KRAS: variants seen among roughly 807,000 people sequenced by gnomAD.
The protein encoded by KRAS is KRas proto-oncogene, GTPase, also known as GTPase KRas.
In KRAS, 1 loss-of-function variant was observed where a neutral mutation model predicts 21.0. That is an observed-to-expected ratio of 0.05 (90% CI 0.02 to 0.23). The LOEUF (loss-of-function observed/expected upper bound fraction) is 0.23. KRAS is among the 10% of genes least tolerant of loss of function. The pLI is 1.00. For synonymous variants in KRAS, 67 were observed against 72.5 expected (o/e 0.92, Z 0.39); for missense variants, 107 against 221.8 (o/e 0.48, Z 3.29).
rs998049201 is a variant in KRAS, at chr12:25,208,058, C to G, written c.*1737G>C. Reference sequence around the variant, plus strand: ...AACTTCACCTCTTGCACAATTTTGCCCAAGACTGGCACTGAAGATGGTGTA... The same window carrying G: ...AACTTCACCTCTTGCACAATTTTGCGCAAGACTGGCACTGAAGATGGTGTA... On this transcript the variant is annotated 3_prime_UTR_variant, in exon 5 of 5. Transcript: ENST00000311936. The G allele has an allele frequency of 1.7e-5, 4 of 233,180 alleles. No homozygotes were observed. Among genetic ancestry groups the G allele is most frequent in the Non-Finnish European group, 3.4e-5 (4 of 118,010 alleles). The allele number at this position is 233,180 out of a possible 1,614,324, so 14.4% of individuals were successfully genotyped here.
intron 4 of KRAS, among the ~76,000 whole-genome samples, chr12:25,217,526 CTTA>C (rs1951269365): frequency 1.5e-5 from 1 of 64,886 alleles, no homozygotes; most frequent in Non-Finnish European, 4.5e-5. Flanking sequence ...TAAGAGCAGT[CTTA>C]TCTTATTTTT....
chr12:25,248,578 TTTAC>T (rs150045078), intron 1 of KRAS, among the ~76,000 whole-genome samples: 9,552 of 151,708 alleles, frequency 0.063, 349 homozygotes, highest in East Asian at 0.1. Flanking sequence ...TATCTTCCGG[TTTAC>T]TTGTTTATGC....
At chr12:25,243,940 T>C (rs183372475) in intron 2 of KRAS, among the ~76,000 whole-genome samples, 125 of 152,356 alleles carry the variant, frequency 8.2e-4, no homozygotes, top group Non-Finnish European at 2.6e-4. Context: ...TTCTTAAAAT[T>C]GGAAGCCAAA....
Position 25,208,322 on chromosome 12 carries a change from CTCACT to C in KRAS, c.*1468_*1472del, listed in dbSNP as rs1371807124. ...TGATACTTTCACCTCACCATGCCAT[CTCACT>C]TCATTTATTTTAAAATAAGTAACAT... On this transcript the variant is annotated 3_prime_UTR_variant, in exon 5 of 5. Transcript: ENST00000311936. 3 of 233,092 alleles carry C rather than the reference CTCACT, an allele frequency of 1.3e-5. No individual in the cohort carries two copies. The highest frequency in any genetic ancestry group is 2.2e-5 in the African/African-American group (1 of 45,316). 14.4% of individuals were successfully genotyped at this position (233,092 alleles called of 1,614,324 possible).
rs193150345 is a variant in KRAS at position 25,215,302 on chromosome 12, T to A, written c.451-5391A>T. 9 of 1,351,932 alleles carry A rather than the reference T, an allele frequency of 6.7e-6. No homozygotes were observed. In the African/African-American group the frequency reaches 1.3e-4, roughly 20 times the overall value. The allele number at this position is 1,351,932 out of a possible 1,614,324, so 83.7% of individuals were successfully genotyped here. On this transcript the variant is annotated intron_variant, in intron 4 of 4. Transcript: ENST00000311936. ...AGATTAAAAATAAATGTACTAATTA[T>A]GGAAACAAGTTTCTTATCTTTTAAT...
chr12:25,209,693 A>G lies in KRAS; in HGVS notation c.*102T>C. On this transcript the variant is annotated 3_prime_UTR_variant, in exon 5 of 5. Coordinates refer to ENST00000311936, the MANE Select transcript of KRAS (RefSeq NM_004985.5). Reference sequence around the variant, plus strand: ...AAGCTAACAGTCTGCATGGAGCAGGAAAAAAATTAGGTAATGCTAAAACAA... The same window carrying G: ...AAGCTAACAGTCTGCATGGAGCAGGGAAAAAATTAGGTAATGCTAAAACAA... 1 of 1,505,478 alleles carries G rather than the reference A, an allele frequency of 6.6e-7. No homozygotes were observed. Among genetic ancestry groups the G allele is most frequent in the South Asian group, 1.3e-5 (1 of 74,754 alleles). 93.3% of individuals were successfully genotyped at this position (1,505,478 alleles called of 1,614,324 possible). A position where few individuals can be genotyped will look rare whatever the true frequency, so the allele number is the denominator to read the frequency against.
rs536526477 is a variant in KRAS, at chr12:25,207,599, T to C, written c.*2196A>G. 3 of 230,242 alleles carry C rather than the reference T, an allele frequency of 1.3e-5. No individual in the cohort carries two copies. The highest frequency in any genetic ancestry group is 4.4e-5 in the African/African-American group (2 of 45,316). 14.3% of individuals were successfully genotyped at this position (230,242 alleles called of 1,614,324 possible). On this transcript the variant is annotated 3_prime_UTR_variant, in exon 5 of 5. Coordinates refer to ENST00000311936, the MANE Select transcript of KRAS (RefSeq NM_004985.5). ...TTACTAAAACAATGGAATGTATTAC[T>C]GTTACCAGGAGTAGTCCTAGTTATA... is the stretch of plus-strand genomic sequence containing the variant.
chr12:25,241,201 T>A (rs1038526061), intron 2 of KRAS, among the ~76,000 whole-genome samples: 1 of 152,202 alleles, frequency 6.6e-6, no homozygotes, highest in Non-Finnish European at 1.5e-5. Context: ...CAGACAGTAA[T>A]CTTTATATTA....
chr12:25,209,997 TTAAG>T, intron 4 of KRAS, 86 bp from the exon 5 acceptor site: 2 of 957,082 alleles, frequency 2.1e-6, no homozygotes, highest in Non-Finnish European at 3.2e-6. Flanking sequence ...GGAAAAAATA[TTAAG>T]AAAGGATTCT....
At chr12:25,221,461 T>C (rs1183792458) in intron 4 of KRAS, among the ~76,000 whole-genome samples, 1 of 152,162 alleles carries the variant, frequency 6.6e-6, no homozygotes, top group African/African-American at 2.4e-5. Flanking sequence ...CTCGAACTCC[T>C]GACCTCAGGT....
At chr12:25,229,482 A>T (rs1451859532) in intron 2 of KRAS, among the ~76,000 whole-genome samples, 2 of 152,170 alleles carry the variant, frequency 1.3e-5, no homozygotes, top group African/African-American at 4.8e-5. Flanking sequence ...TTCTTTTCTA[A>T]AAAGAGAGAG....
At chr12:25,214,191 T>C (rs1005826874) in intron 4 of KRAS, among the ~76,000 whole-genome samples, 4 of 152,132 alleles carry the variant, frequency 2.6e-5, no homozygotes. Context: ...ATAAAAATAC[T>C]GGCATTCCAA....
chr12:25,228,025 G>C (rs556333781), intron 2 of KRAS, among the ~76,000 whole-genome samples: 1 of 152,012 alleles, frequency 6.6e-6, no homozygotes, highest in Non-Finnish European at 1.5e-5. Flanking sequence ...CCATAAAAAG[G>C]AATAAAATTT....
At chr12:25,236,346 C>T (rs947877829) in intron 2 of KRAS, among the ~76,000 whole-genome samples, 21 of 152,042 alleles carry the variant, frequency 1.4e-4, no homozygotes, top group African/African-American at 5.1e-4. Flanking sequence ...ACTCATCATA[C>T]CCACTCAGAT....
intron 4 of KRAS, among the ~76,000 whole-genome samples, chr12:25,223,075 T>C (rs1037737412): frequency 6.6e-6 from 1 of 152,218 alleles, no homozygotes; most frequent in Non-Finnish European, 1.5e-5. Context: ...AGCTGATTTG[T>C]ATGCATAAGA....
chr12:25,227,206 C>T (rs1592808221), intron 3 of KRAS, 28 bp downstream of exon 3: 12 of 1,531,648 alleles, frequency 7.8e-6, no homozygotes, highest in Non-Finnish European at 1.1e-5. Flanking sequence ...TCCTTAATGT[C>T]AGCTTATTAT....
At chr12:25,242,717 G>C (rs771849106) in intron 2 of KRAS, among the ~76,000 whole-genome samples, 1 of 152,102 alleles carries the variant, frequency 6.6e-6, no homozygotes, top group Non-Finnish European at 1.5e-5. Context: ...TTACAAATCT[G>C]AATTAGTCTC....
chr12:25,246,638 C>A (rs528415691), intron 1 of KRAS, among the ~76,000 whole-genome samples: 8 of 152,150 alleles, frequency 5.3e-5, no homozygotes, highest in African/African-American at 1.9e-4. Context: ...GCAAGTGAGC[C>A]GGGCACGGTG....
chr12:25,227,124 T>G (rs1391460629), intron 3 of KRAS, 110 bp downstream of exon 3: 8 of 709,866 alleles, frequency 1.1e-5, no homozygotes, highest in Non-Finnish European at 1.8e-5. Flanking sequence ...TCATAAACAT[T>G]ATTTAAAAAT....
Sources: allele counts gnomAD v4.1 joint callset (sites outside exome capture counted in the v4.1 genomes callset), GRCh38; gene constraint gnomAD v4.1.1; transcripts MANE v1.5; gene names NCBI Gene and HGNC (gene_info 2026-07-23, HGNC 2026-07-21).